PABPC4L: variants seen among roughly 807,000 people sequenced by gnomAD.
The protein encoded by PABPC4L is poly(A) binding protein cytoplasmic 4 like.
For missense variants in PABPC4L, 452 were observed against 451.4 expected (o/e 1.00, Z -0.01); for synonymous variants, 169 against 164.1 (o/e 1.03, Z -0.23).
the PABPC4L span, among the ~76,000 whole-genome samples, chr4:133,951,430 C>T: frequency 6.6e-6 from 1 of 152,062 alleles, no homozygotes; most frequent in Non-Finnish European, 1.5e-5. Context: ...ATTTAATATA[C>T]TCCTAACCTG....
chr4:133,964,431 A>G, the PABPC4L span, among the ~76,000 whole-genome samples: 3 of 152,120 alleles, frequency 2.0e-5, no homozygotes, highest in Non-Finnish European at 4.4e-5. Context: ...CTATTCCACA[A>G]GATAGTATAA....
chr4:134,043,128 C>A, the PABPC4L span, among the ~76,000 whole-genome samples: 3 of 152,098 alleles, frequency 2.0e-5, no homozygotes, highest in Non-Finnish European at 4.4e-5. Flanking sequence ...TAACCTCCTT[C>A]CAGCTGTCCT....
chr4:134,165,577 A>G, the PABPC4L span, among the ~76,000 whole-genome samples: 1 of 152,206 alleles, frequency 6.6e-6, no homozygotes, highest in Non-Finnish European at 1.5e-5. Context: ...AATTAAAACC[A>G]TATTGAGATA....
At chr4:134,069,378 G>T in the PABPC4L span, among the ~76,000 whole-genome samples, 1 of 152,102 alleles carries the variant, frequency 6.6e-6, no homozygotes, top group South Asian at 2.1e-4. Flanking sequence ...CTTTAGCAAG[G>T]CTGGGGAAAT....
chr4:134,061,238 G>T, the PABPC4L span, among the ~76,000 whole-genome samples: 1 of 151,010 alleles, frequency 6.6e-6, no homozygotes, highest in African/African-American at 2.4e-5. Flanking sequence ...AAAATTAAAA[G>T]AATTCCAATT....
At chr4:134,065,132 A>G in the PABPC4L span, among the ~76,000 whole-genome samples, 2 of 152,058 alleles carry the variant, frequency 1.3e-5, no homozygotes, top group African/African-American at 4.8e-5. Flanking sequence ...TACTGGCTCA[A>G]ATGGTAATTC....
At chr4:134,019,785 T>A in the PABPC4L span, among the ~76,000 whole-genome samples, 2 of 152,154 alleles carry the variant, frequency 1.3e-5, no homozygotes, top group Non-Finnish European at 2.9e-5. Context: ...TTTCAGATCT[T>A]TAGGAGGTTC....
the PABPC4L span, among the ~76,000 whole-genome samples, chr4:134,076,880 A>C: frequency 6.6e-6 from 1 of 152,166 alleles, no homozygotes; most frequent in African/African-American, 2.4e-5. Flanking sequence ...GCATGATGTC[A>C]TCATCCAGAT....
At chr4:134,015,515 T>C in the PABPC4L span, among the ~76,000 whole-genome samples, 17 of 152,178 alleles carry the variant, frequency 1.1e-4, no homozygotes, top group Non-Finnish European at 2.4e-4. Context: ...GCAAATTACC[T>C]GGGCTGTACT....
chr4:134,085,235 T>A, the PABPC4L span, among the ~76,000 whole-genome samples: 2 of 152,098 alleles, frequency 1.3e-5, no homozygotes, highest in African/African-American at 4.8e-5. Context: ...TCTCTATCAC[T>A]GTTTTCATAA....
At chr4:134,095,030 A>C in the PABPC4L span, among the ~76,000 whole-genome samples, 1 of 151,796 alleles carries the variant, frequency 6.6e-6, no homozygotes, top group Admixed American at 6.6e-5. Flanking sequence ...GTCCATTAAA[A>C]TTCAGTCTCT....
chr4:134,004,634 C>A, the PABPC4L span, among the ~76,000 whole-genome samples: 1 of 151,822 alleles, frequency 6.6e-6, no homozygotes, highest in East Asian at 1.9e-4. Flanking sequence ...TAAATGAAAT[C>A]AGTATGTTGA....
chr4:134,155,336 T>C, the PABPC4L span, among the ~76,000 whole-genome samples: 1 of 151,722 alleles, frequency 6.6e-6, no homozygotes, highest in Non-Finnish European at 1.5e-5. Flanking sequence ...TTGTCTATTT[T>C]CCTATTCCTT....
chr4:134,089,562 C>T, the PABPC4L span, among the ~76,000 whole-genome samples: 1 of 152,000 alleles, frequency 6.6e-6, no homozygotes, highest in South Asian at 2.1e-4. Flanking sequence ...TTGTTAATGT[C>T]TTACTGTGCC....
At chr4:134,108,478 C>G in the PABPC4L span, among the ~76,000 whole-genome samples, 3 of 151,994 alleles carry the variant, frequency 2.0e-5, no homozygotes, top group East Asian at 5.8e-4. Context: ...TTATCTCCAG[C>G]ATAGCTGGCA....
chr4:134,030,067 TC>T, the PABPC4L span, among the ~76,000 whole-genome samples: 1 of 152,066 alleles, frequency 6.6e-6, no homozygotes, highest in Admixed American at 6.6e-5. Context: ...TTCTGAGGCC[TC>T]CCCAACCCTG....
chr4:133,979,438 G>C, the PABPC4L span, among the ~76,000 whole-genome samples: 125 of 152,252 alleles, frequency 8.2e-4, no homozygotes, highest in African/African-American at 2.8e-3. Flanking sequence ...ACGTTGTATA[G>C]AAAGTATCAT....
At chr4:133,991,931 G>T in the PABPC4L span, among the ~76,000 whole-genome samples, 1 of 152,226 alleles carries the variant, frequency 6.6e-6, no homozygotes, top group African/African-American at 2.4e-5. Flanking sequence ...GAAAACATAT[G>T]AATGGGTAGT....
chr4:133,972,755 C>G, the PABPC4L span, among the ~76,000 whole-genome samples: 2 of 152,050 alleles, frequency 1.3e-5, no homozygotes, highest in African/African-American at 4.8e-5. Context: ...TGCCTATGTC[C>G]CATGAGAGAG....
Sources: gnomAD v4.1 joint callset for allele counts (sites outside exome capture counted in the v4.1 genomes callset) on GRCh38, gnomAD v4.1.1 for gene constraint, MANE v1.5 for transcripts, NCBI Gene and HGNC (gene_info 2026-07-23, HGNC 2026-07-21) for gene names.